KCNH1: variants seen among roughly 807,000 people sequenced by gnomAD.
KCNH1 encodes the protein potassium voltage-gated channel subfamily H member 1.
Under a neutral mutation model 69.2 loss-of-function variants are expected in KCNH1, and 27 were observed. The ratio of observed to expected loss-of-function variants is 0.39; its 90% confidence interval spans 0.29 to 0.54. KCNH1 has a LOEUF of 0.54. Ranked by LOEUF, KCNH1 falls within the 20% of genes least tolerant of loss-of-function variation. The pLI is 0.68. For missense variants in KCNH1, 798 were observed against 1,261.6 expected, an observed-to-expected ratio of 0.63 and a Z score of 5.57; for synonymous variants, 456 against 487.7, an observed-to-expected ratio of 0.93 and a Z score of 0.86.
At chr1:211,120,488 C>T (rs1299280775) in intron 1 of KCNH1, among the ~76,000 whole-genome samples, 1 of 152,066 alleles carries the variant, frequency 6.6e-6, no homozygotes, top group Non-Finnish European at 1.5e-5. Flanking sequence ...CCATGCCTGG[C>T]CTGATTCAAT....
chr1:210,846,926 AACAG>A (rs1685564252), intron 7 of KCNH1, among the ~76,000 whole-genome samples: 1 of 152,250 alleles, frequency 6.6e-6, no homozygotes. Context: ...GAAGGACATG[AACAG>A]ACACTTCTCA....
At chr1:211,094,313 G>A (rs970592625) in intron 3 of KCNH1, among the ~76,000 whole-genome samples, 5 of 152,246 alleles carry the variant, frequency 3.3e-5, no homozygotes, top group East Asian at 3.9e-4. Context: ...AGTAATGCTC[G>A]CTCAGCTGTC....
At chr1:211,083,684 CA>C (rs1326476636) in intron 4 of KCNH1, among the ~76,000 whole-genome samples, 1 of 152,114 alleles carries the variant, frequency 6.6e-6, no homozygotes, top group Admixed American at 6.5e-5. Context: ...TTAGGAGCTC[CA>C]AAAACCCAGA....
intron 7 of KCNH1, among the ~76,000 whole-genome samples, chr1:210,854,276 C>T (rs1438790415): frequency 2.6e-5 from 4 of 152,152 alleles, no homozygotes; most frequent in East Asian, 3.9e-4. Context: ...CACAGAATAA[C>T]AAAAATAGAA....
rs199621900 is a variant in KCNH1, at chr1:210,683,508, A to G, written c.2743T>C (p.Tyr915His). ...TGCAGCGTCTGCTCAGGGATGGGGT[A>G]GAACGAATGCTTGACCTCTGCCAGG... ...PILAEVKHSF[Y>H]PIPEQTLQAT... The change falls in exon 11 of 11, where the codon TAC (tyrosine) becomes CAC (histidine). Residue 915 changes from tyrosine to histidine, a missense_variant. By Grantham distance (83) the Tyr-to-His change is moderately conservative. Around this residue, in one of 4 missense-constraint regions of KCNH1, gnomAD observed 331 missense variants for 363.2 expected, o/e 0.91. Transcript: ENST00000271751. The surrounding 1 kb of genome is among the most constrained non-coding windows in gnomAD (Gnocchi z 5.7). The G allele has an allele frequency of 5.0e-6, 8 of 1,614,156 alleles. No individual in the cohort carries two copies. Among genetic ancestry groups the G allele is most frequent in the Non-Finnish European group, 6.8e-6 (8 of 1,180,012 alleles).
intron 6 of KCNH1, among the ~76,000 whole-genome samples, chr1:210,978,658 T>A (rs1688658245): frequency 1.3e-5 from 2 of 152,346 alleles, no homozygotes; most frequent in South Asian, 2.1e-4. Flanking sequence ...TGTGTGGTTA[T>A]GATATCCCTG....
At chr1:210,701,589 TTAATA>T (rs892557882) in intron 10 of KCNH1, among the ~76,000 whole-genome samples, 27 of 152,192 alleles carry the variant, frequency 1.8e-4, no homozygotes, top group Admixed American at 7.9e-4. Flanking sequence ...TGTTTTTTCT[TTAATA>T]TAACCCCTTC....
chr1:211,098,751 TAATA>T (rs927884806), intron 3 of KCNH1, among the ~76,000 whole-genome samples: 2 of 152,148 alleles, frequency 1.3e-5, no homozygotes, highest in Non-Finnish European at 2.9e-5. Flanking sequence ...TTTAAATGGA[TAATA>T]AATAGGAAAA....
intron 7 of KCNH1, among the ~76,000 whole-genome samples, chr1:210,847,211 C>T (rs1425326436): frequency 6.6e-6 from 1 of 152,130 alleles, no homozygotes; most frequent in Non-Finnish European, 1.5e-5. Flanking sequence ...ACCATTTGAC[C>T]CAGCCATCCC....
At chr1:211,095,695 C>A (rs1250035306) in intron 3 of KCNH1, among the ~76,000 whole-genome samples, 1 of 152,190 alleles carries the variant, frequency 6.6e-6, no homozygotes. Context: ...CTGTGATTGG[C>A]TTTTGGGAAG....
At chr1:210,733,982 CACACACAG>C (rs1303365195) in intron 10 of KCNH1, among the ~76,000 whole-genome samples, 1 of 150,784 alleles carries the variant, frequency 6.6e-6, no homozygotes, top group Non-Finnish European at 1.5e-5. Context: ...CACACACACA[CACACACAG>C]CCCTCAGAAG....
chr1:210,738,544 C>CA (rs1553339589), intron 10 of KCNH1, among the ~76,000 whole-genome samples: 1 of 98,754 alleles, frequency 1.0e-5, no homozygotes, highest in Non-Finnish European at 2.1e-5. Flanking sequence ...CCTGGCTTGG[C>CA]TTTTTTGCTT....
chr1:210,825,856 TG>T, intron 7 of KCNH1, among the ~76,000 whole-genome samples: 1 of 152,342 alleles, frequency 6.6e-6, no homozygotes, highest in East Asian at 1.9e-4. Flanking sequence ...TATGAGGAAC[TG>T]GTATTTCACT....
intron 4 of KCNH1, among the ~76,000 whole-genome samples, chr1:211,083,243 A>T (rs1690889438): frequency 6.6e-6 from 1 of 152,254 alleles, no homozygotes; most frequent in African/African-American, 2.4e-5. Flanking sequence ...CCTTCTTCAG[A>T]AGATAATATC....
intron 2 of KCNH1, among the ~76,000 whole-genome samples, chr1:211,105,549 G>T (rs1486994025): frequency 6.6e-6 from 1 of 152,112 alleles, no homozygotes; most frequent in Non-Finnish European, 1.5e-5. Context: ...TAGCACAAAG[G>T]TATGTTCATT....
At chr1:210,912,951 TTCACA>T (rs1439131579) in intron 7 of KCNH1, among the ~76,000 whole-genome samples, 14 of 152,190 alleles carry the variant, frequency 9.2e-5, no homozygotes, top group Admixed American at 9.2e-4. Context: ...CACAAGAATG[TTCACA>T]GAGCAGTATA....
At chr1:210,964,346 A>G (rs1574365432) in intron 6 of KCNH1, among the ~76,000 whole-genome samples, 2 of 152,302 alleles carry the variant, frequency 1.3e-5, no homozygotes, top group South Asian at 4.1e-4. Context: ...CCAAATTGTA[A>G]AGACCATTGA....
At chr1:210,853,151 A>G (rs964195494) in intron 7 of KCNH1, among the ~76,000 whole-genome samples, 4 of 152,098 alleles carry the variant, frequency 2.6e-5, no homozygotes, top group Admixed American at 6.5e-5. Context: ...GCTGGATTCA[A>G]CCCCTAGCTC....
At chr1:210,803,794 G>C (rs575236800) in intron 8 of KCNH1, among the ~76,000 whole-genome samples, 173 bp downstream of exon 8, 3 of 152,186 alleles carry the variant, frequency 2.0e-5, no homozygotes, top group African/African-American at 7.2e-5. Flanking sequence ...TGGTCTTTGA[G>C]TAAGGCTGAT....
Sources: gnomAD v4.1 joint callset for allele counts (sites outside exome capture counted in the v4.1 genomes callset) on GRCh38, gnomAD v4.1.1 for gene constraint, gnomAD v4.1.1 regional missense constraint, Gnocchi (gnomAD v3.1) non-coding constraint, MANE v1.5 for transcripts, NCBI Gene and HGNC (gene_info 2026-07-23, HGNC 2026-07-21) for gene names.